The following BAZ2A variants were observed in gnomAD, a reference collection of about 807,000 sequenced individuals.
The protein encoded by BAZ2A is bromodomain adjacent to zinc finger domain protein 2A.
In BAZ2A, 34 loss-of-function variants were observed where a neutral mutation model predicts 199.9. The ratio of observed to expected loss-of-function variants is 0.17; its 90% CI spans 0.13 to 0.23. The LOEUF is 0.23. Ranked by LOEUF, BAZ2A falls within the 10% of genes least tolerant of loss-of-function variation. BAZ2A has a pLI of 1.00. For missense variants in BAZ2A, 2,002 were observed against 2,391.1 expected, an observed-to-expected ratio of 0.84 and a Z score of 3.39; for synonymous variants, 857 against 883.9, an observed-to-expected ratio of 0.97 and a Z score of 0.54.
intron 5 of BAZ2A, 79 bp from the exon 6 acceptor site, chr12:56,612,325 C>A: frequency 7.9e-7 from 1 of 1,265,540 alleles, no homozygotes; most frequent in East Asian, 2.5e-5. Flanking sequence ...TCAGTCAACC[C>A]TGGACCAAGC....
rs1040120266 is a variant in BAZ2A at position 56,630,320 on chromosome 12, G to A, written c.-198C>T. 2.0e-6 allele frequency: 2 copies of A among 981,890 alleles called. No homozygotes were observed. Among genetic ancestry groups the A allele is most frequent in the Admixed American group, 6.1e-5 (1 of 16,288 alleles). The allele number at this position is 981,890 out of a possible 1,614,324, so 60.8% of individuals were successfully genotyped here. On this transcript the variant is annotated 5_prime_UTR_variant, in exon 1 of 29. Coordinates refer to ENST00000549884, the MANE Select transcript of BAZ2A (RefSeq NM_001300905.2). ...AGAGGAGCCAACATGGCCGGCGGGGGAGGAGTGAGTCGGAGCCGGAGGGGG... is the reference window on the plus strand; with the variant it reads ...AGAGGAGCCAACATGGCCGGCGGGGAAGGAGTGAGTCGGAGCCGGAGGGGG...
In BAZ2A at chr12:56,610,297, C is replaced by A. The variant is rs1424923378; in HGVS notation, c.1780-82G>T. ...CAGCAAAGGCATAAGCAGAACAGGC[C>A]CAGAGCAGACAATGCCAGCCTGTTG... is the stretch of plus-strand genomic sequence containing the variant. On this transcript the variant is annotated intron_variant, in intron 8 of 28. Transcript: ENST00000549884. 8.2e-6 allele frequency: 13 copies of A among 1,576,572 alleles called. No homozygotes were observed. In the East Asian group the frequency reaches 2.9e-4, roughly 35 times the overall value.
In BAZ2A at chr12:56,615,588, A is replaced by G. The variant is rs1057411793; in HGVS notation, c.156T>C (p.Asn52=). The G allele has an allele frequency of 6.2e-7, 1 of 1,602,700 alleles. No homozygotes were observed. The highest frequency in any genetic ancestry group is 1.3e-5 in the African/African-American group (1 of 74,682). The change falls in exon 3 of 29, where the codon AAT becomes AAC. Residue 52 remains asparagine, a synonymous_variant. Transcript: ENST00000549884. ...GAGATACAGTAGATAAGCCATTAAC[A>G]TTCACATCCCCATTCAAACCTGGCA... ...QQGKSLNGDV[N]VNGLSTVSHT... is the part of the protein sequence containing the mutation.
In BAZ2A at chr12:56,613,244, G is replaced by C. The variant is rs1334305796; in HGVS notation, c.917-11C>G. On this transcript the variant is annotated splice_polypyrimidine_tract_variant and intron_variant, in intron 4 of 28. Coordinates refer to ENST00000549884, the MANE Select transcript of BAZ2A (RefSeq NM_001300905.2). Reference sequence around the variant, plus strand: ...CTCCACTCACTGGCTCTGTTTACAAGGGTAGAAAAATCAGAGCAGGATAAT... The same window carrying C: ...CTCCACTCACTGGCTCTGTTTACAACGGTAGAAAAATCAGAGCAGGATAAT... 3.7e-6 allele frequency: 6 copies of C among 1,611,616 alleles called. No homozygotes were observed. In the African/African-American group the frequency reaches 6.7e-5, roughly 18 times the overall value.
At chr12:56,615,730 C>T (rs1208127430) in intron 2 of BAZ2A, 123 bp from the exon 3 acceptor site, 2 of 825,800 alleles carry the variant, frequency 2.4e-6, no homozygotes, top group Non-Finnish European at 3.7e-6. Context: ...GATTCCTCCC[C>T]TGCTATATTT....
At chr12:56,623,830 A>G (rs1950999855) in intron 1 of BAZ2A, among the ~76,000 whole-genome samples, 2 of 152,162 alleles carry the variant, frequency 1.3e-5, no homozygotes, top group South Asian at 4.1e-4. Flanking sequence ...CTAATGTAAA[A>G]GCTGTCCCAT....
intron 1 of BAZ2A, among the ~76,000 whole-genome samples, chr12:56,625,354 C>T (rs912982220): frequency 6.5e-4 from 99 of 151,872 alleles, no homozygotes; most frequent in African/African-American, 2.2e-3. Context: ...CAGGGTTTCA[C>T]CATGTTGGTC....
chr12:56,615,434 T>C lies in BAZ2A; in HGVS notation c.310A>G (p.Asn104Asp). 6.2e-7 allele frequency: 1 copy of C among 1,612,414 alleles called. No homozygotes were observed. Among genetic ancestry groups the C allele is most frequent in the Non-Finnish European group, 8.5e-7 (1 of 1,179,670 alleles). The change falls in exon 3 of 29, where the codon AAC (asparagine) becomes GAC (aspartate). Residue 104 changes from asparagine (N) to aspartate (D), a missense_variant. Coordinates refer to ENST00000549884, the MANE Select transcript of BAZ2A (RefSeq NM_001300905.2). ...GAGAGAAGGGGTGGGTCCTTGAGGT[T>C]GCTGCCAGGATTGGCAGATGGGTAC... ...SQYPSANPGS[N>D]LKDPPLLSQF... is the part of the protein sequence containing the mutation.
chr12:56,603,728 G>T, intron 16 of BAZ2A, 28 bp from the exon 17 acceptor site: 1 of 1,612,616 alleles, frequency 6.2e-7, no homozygotes, highest in Non-Finnish European at 8.5e-7. Context: ...AAGATTAAGG[G>T]AAGGCCAAGT....
chr12:56,605,800 A>C (rs772519709), intron 13 of BAZ2A, 30 bp downstream of exon 13: 10 of 1,567,766 alleles, frequency 6.4e-6, no homozygotes, highest in African/African-American at 4.1e-5. Flanking sequence ...TTCCCAGCTG[A>C]CCCAGGAACT....
chr12:56,615,158 A>T lies in BAZ2A; in HGVS notation c.586T>A (p.Ser196Thr). 1.2e-6 allele frequency: 2 copies of T among 1,613,754 alleles called. No individual in the cohort carries two copies. Among genetic ancestry groups the T allele is most frequent in the Non-Finnish European group, 1.7e-6 (2 of 1,179,802 alleles). The part of the protein sequence containing the change: ...TSPQTSPMLG[S>T]SIQTFAPSQE... ...GAGGGTGCAAAGGTTTGAATGCTAGATCCCAACATAGGAGAAGTCTGTGGG... is the reference window on the plus strand; with the variant it reads ...GAGGGTGCAAAGGTTTGAATGCTAGTTCCCAACATAGGAGAAGTCTGTGGG... Residue 196 changes from serine (S) to threonine (T), a missense_variant, in exon 3 of 29, where the codon TCT becomes ACT. Ser to Thr is a moderately conservative substitution (Grantham distance 58, BLOSUM62 1). Coordinates refer to ENST00000549884, the MANE Select transcript of BAZ2A (RefSeq NM_001300905.2).
At chr12:56,614,187 G>T in intron 3 of BAZ2A, 49 bp from the exon 4 acceptor site, 1 of 1,562,690 alleles carries the variant, frequency 6.4e-7, no homozygotes, top group Non-Finnish European at 8.8e-7. Context: ...GCCTTATATT[G>T]GTTCACTTAG....
upstream of BAZ2A, among the ~76,000 whole-genome samples, chr12:56,633,559 T>C (rs777874836): frequency 7.9e-5 from 12 of 152,138 alleles, no homozygotes; most frequent in Non-Finnish European, 1.2e-4. Context: ...TGGATCATAC[T>C]GTTAACAGGA....
At chr12:56,629,704 G>A (rs777996151) in intron 1 of BAZ2A, among the ~76,000 whole-genome samples, 1 of 152,040 alleles carries the variant, frequency 6.6e-6, no homozygotes, top group East Asian at 1.9e-4. Context: ...CCCCGCAAAC[G>A]GAGCGTTTTA....
rs973791768 is a variant in BAZ2A, at chr12:56,596,781, T to A, written c.*1837A>T. 1.3e-5 allele frequency: 2 copies of A among 152,386 alleles called. No homozygotes were observed. Among genetic ancestry groups the A allele is most frequent in the Admixed American group, 1.3e-4 (2 of 15,270 alleles). The allele number at this position is 152,386 out of a possible 1,614,324, so 9.4% of individuals were successfully genotyped here. On this transcript the variant is annotated 3_prime_UTR_variant, in exon 29 of 29. Transcript: ENST00000549884. ...CACCTCTTAAAAGCAAAAAAAAATC[T>A]CAAATAAAATTAAAAGTTTTGAGGT...
At chr12:56,622,235 G>C (rs568180401) in intron 1 of BAZ2A, among the ~76,000 whole-genome samples, 1 of 152,134 alleles carries the variant, frequency 6.6e-6, no homozygotes, top group African/African-American at 2.4e-5. Context: ...AGCTACTCAG[G>C]AGGCTGAGGC....
At chr12:56,617,882 T>TG (rs1254131303) in intron 1 of BAZ2A, among the ~76,000 whole-genome samples, 2 of 152,196 alleles carry the variant, frequency 1.3e-5, no homozygotes, top group African/African-American at 4.8e-5. Context: ...CTGTACCACT[T>TG]AACATTCTCC....
In BAZ2A at chr12:56,598,681, G is replaced by A. The variant is rs531488338; in HGVS notation, c.5649C>T (p.Ile1883=). The change falls in exon 29 of 29, where the codon ATC becomes ATT. Residue 1883 remains isoleucine, a synonymous_variant. Transcript: ENST00000549884. ...DDSEVGKAGH[I]MRRFFESRWE... is the part of the protein sequence containing the mutation. Reference sequence around the variant, plus strand: ...AGCGGCTCTCGAAGAAGCGGCGCATGATGTGCCCAGCCTTGCCTACTTCAG... The same window carrying A: ...AGCGGCTCTCGAAGAAGCGGCGCATAATGTGCCCAGCCTTGCCTACTTCAG... 1.2e-5 allele frequency: 20 copies of A among 1,613,846 alleles called. 2 individuals carry two copies. In the East Asian group the frequency reaches 2.0e-4, roughly 16 times the overall value.
Position 56,611,815 on chromosome 12 carries a change from C to A in BAZ2A, c.1567G>T (p.Val523Leu). ...VSSFLETTADVEEITGEGLTA... is the reference protein window; with the variant it reads ...VSSFLETTADLEEITGEGLTA... ...AGTCCTTCTCCAGTGATCTCTTCCA[C>A]GTCAGCAGTGGTTTCTAGAAAGCTG... is the stretch of plus-strand genomic sequence containing the variant. The change falls in exon 6 of 29, where the codon GTG becomes TTG. Residue 523 changes from valine (V) to leucine (L), a missense_variant. Physicochemically the swap from Val to Leu is conservative, Grantham distance 32. This residue lies in a region of BAZ2A where 641 missense variants were observed against 694.5 expected (regional missense o/e 0.92). Transcript: ENST00000549884. The A allele has an allele frequency of 1.3e-6, 2 of 1,566,110 alleles. No individual in the cohort carries two copies. Among genetic ancestry groups the A allele is most frequent in the Non-Finnish European group, 1.7e-6 (2 of 1,156,376 alleles).
Sources: gnomAD v4.1 joint callset for allele counts (sites outside exome capture counted in the v4.1 genomes callset) on GRCh38, gnomAD v4.1.1 for gene constraint, gnomAD v4.1.1 regional missense constraint, MANE v1.5 for transcripts, NCBI Gene and HGNC (gene_info 2026-07-23, HGNC 2026-07-21) for gene names.